The following CHRNB4 variants were observed in gnomAD, a reference collection of about 807,000 sequenced individuals.
The protein encoded by CHRNB4 is cholinergic receptor nicotinic beta 4 subunit.
In CHRNB4, 23 loss-of-function variants were observed where a neutral mutation model predicts 40.4. The ratio of observed to expected loss-of-function variants is 0.57; its 90% CI spans 0.41 to 0.81. The LOEUF (loss-of-function observed/expected upper bound fraction) is 0.81, where lower values mean the gene tolerates loss of function less well. CHRNB4 is among the 30% of genes least tolerant of loss of function. The pLI is 0.00. For missense variants in CHRNB4, 568 were observed against 670.6 expected, an observed-to-expected ratio of 0.85 and a Z score of 1.69; for synonymous variants, 285 against 274.4, an observed-to-expected ratio of 1.04 and a Z score of -0.38.
In CHRNB4 at chr15:78,624,943, C is replaced by T. The variant is rs1307830752; in HGVS notation, c.*190G>A. The T allele has an allele frequency of 6.7e-7, 1 of 1,496,146 alleles. No individual in the cohort carries two copies. Among genetic ancestry groups the T allele is most frequent in the East Asian group, 2.5e-5 (1 of 40,616 alleles). The allele number at this position is 1,496,146 out of a possible 1,614,324, so 92.7% of individuals were successfully genotyped here. A position where few individuals can be genotyped will look rare whatever the true frequency, so the allele number is the denominator to read the frequency against. ...CCTCCTACTGGGGCTTCCTGGGATCCCTCCAAGGCATTCAGAGAGGACAGC... is the reference window on the plus strand; with the variant it reads ...CCTCCTACTGGGGCTTCCTGGGATCTCTCCAAGGCATTCAGAGAGGACAGC... On this transcript the variant is annotated 3_prime_UTR_variant, in exon 6 of 6. Transcript: ENST00000261751.
chr15:78,636,928 AT>A (rs1219913201), intron 1 of CHRNB4, among the ~76,000 whole-genome samples: 1 of 152,200 alleles, frequency 6.6e-6, no homozygotes, highest in African/African-American at 2.4e-5. Flanking sequence ...GAGCAGCCCC[AT>A]TACTCACATG....
At chr15:78,633,010 C>G (rs1370962812) in intron 2 of CHRNB4, among the ~76,000 whole-genome samples, 1 of 152,224 alleles carries the variant, frequency 6.6e-6, no homozygotes, top group Non-Finnish European at 1.5e-5. Context: ...GAATAAAAAT[C>G]TTGCTCCTTC....
rs558456754 is a variant in CHRNB4, at chr15:78,624,696, GAAAA to G, written c.*433_*436del. 4 of 307,564 alleles carry G rather than the reference GAAAA, an allele frequency of 1.3e-5. No homozygotes were observed. Among genetic ancestry groups the G allele is most frequent in the Non-Finnish European group, 2.4e-5 (4 of 169,880 alleles). The allele number at this position is 307,564 out of a possible 1,614,324, so 19.1% of individuals were successfully genotyped here. On this transcript the variant is annotated 3_prime_UTR_variant, in exon 6 of 6. Transcript: ENST00000261751. The stretch of plus-strand genomic sequence containing the variant: ...CGATATAGCAAGACTCCGTTTAAAA[GAAAA>G]AAAAAAAGATGATGATATGGCAAAT...
chr15:78,625,088 C>T lies in CHRNB4; in HGVS notation c.*45G>A, dbSNP rs1359677547. 1.2e-6 allele frequency: 2 copies of T among 1,613,062 alleles called. No individual in the cohort carries two copies. The highest frequency in any genetic ancestry group is 3.3e-5 in the Admixed American group (2 of 60,016). On this transcript the variant is annotated 3_prime_UTR_variant, in exon 6 of 6. Transcript: ENST00000261751. Reference sequence around the variant, plus strand: ...AACCCAGAAAGAAGCAGCAAAGTGCCCACCCGGCCACTCACATCCTCTCAC... The same window carrying T: ...AACCCAGAAAGAAGCAGCAAAGTGCTCACCCGGCCACTCACATCCTCTCAC...
At chr15:78,647,688 TCCAAAAA>T (rs1371071079) in intron 7 of CHRNB4, among the ~76,000 whole-genome samples, 23 of 60,456 alleles carry the variant, frequency 3.8e-4, no homozygotes, top group East Asian at 1.7e-3. Flanking sequence ...CTACTAAAAA[TCCAAAAA>T]AAAAAAAAAA....
chr15:78,655,424 A>G (rs908221471), intron 5 of CHRNB4: 11 of 140,590 alleles, frequency 7.8e-5, no homozygotes, highest in African/African-American at 2.7e-4. Context: ...ATATCTATAT[A>G]TCTATATCTA....
rs199844639 is a variant in CHRNB4 at position 78,629,185 on chromosome 15, C to A, written c.1120G>T (p.Ala374Ser). Reference sequence around the variant, plus strand: ...AAGTTGGAGGGGCTGGTGGAGGTGGCGGTGGCCTCGGGCTTGGTCACGCAT... The same window carrying A: ...AAGTTGGAGGGGCTGGTGGAGGTGGAGGTGGCCTCGGGCTTGGTCACGCAT... ...KSCVTKPEAT[A>S]TSTSPSNFYG... Residue 374 changes from alanine to serine, a missense_variant, in exon 5 of 6, where the codon GCC (alanine) becomes TCC (serine). Transcript: ENST00000261751. This position sits in a 1 kb window ranked among gnomAD's most constrained non-coding sequence, Gnocchi z 6.8. The A allele has an allele frequency of 8.1e-6, 13 of 1,613,732 alleles. No homozygotes were observed. Among genetic ancestry groups the A allele is most frequent in the African/African-American group, 4.0e-5 (3 of 74,858 alleles).
chr15:78,642,863 C>G (rs1481347032), upstream of CHRNB4, among the ~76,000 whole-genome samples: 1 of 152,156 alleles, frequency 6.6e-6, no homozygotes, highest in Non-Finnish European at 1.5e-5. Context: ...CACAGAGAGA[C>G]AGCACAGAGC....
intron 7 of CHRNB4, among the ~76,000 whole-genome samples, chr15:78,647,883 A>G (rs995384977): frequency 1.6e-4 from 24 of 150,272 alleles, no homozygotes; most frequent in African/African-American, 5.6e-4. Flanking sequence ...AAAAAAAAAA[A>G]AAGAGATTCT....
At position 78,624,322 on chromosome 15, in the gene CHRNB4, G is replaced by A. The variant is rs112636372; in HGVS notation, c.*811C>T. ...GGAGGCAGGGTAACGTGACTGTAGG[G>A]AGGCTGCTTTAGAATGATTGGGTGG... On this transcript the variant is annotated 3_prime_UTR_variant, in exon 6 of 6. Coordinates refer to ENST00000261751, the MANE Select transcript of CHRNB4 (RefSeq NM_000750.5). 3,177 of 152,802 alleles carry A rather than the reference G, an allele frequency of 0.021. 119 individuals are homozygous for A. Among genetic ancestry groups the A allele is most frequent in the African/African-American group, 0.073 (3,017 of 41,528 alleles). The allele number at this position is 152,802 out of a possible 1,614,324, so 9.5% of individuals were successfully genotyped here.
intron 6 of CHRNB4, among the ~76,000 whole-genome samples, chr15:78,650,955 G>A (rs552757131): frequency 7.8e-4 from 119 of 152,244 alleles, no homozygotes; most frequent in Admixed American, 6.8e-3. Context: ...TTCATAGGGC[G>A]TAAGTGCAGA....
At chr15:78,630,568 T>C (rs1021514893) in intron 4 of CHRNB4, among the ~76,000 whole-genome samples, 7 of 152,218 alleles carry the variant, frequency 4.6e-5, no homozygotes, top group African/African-American at 1.4e-4. Context: ...AAGTGACTTC[T>C]TCAAGGTCAG....
intron 2 of CHRNB4, among the ~76,000 whole-genome samples, chr15:78,657,724 T>G (rs944272410): frequency 6.6e-6 from 1 of 151,978 alleles, no homozygotes; most frequent in Non-Finnish European, 1.5e-5. Flanking sequence ...CGGCAATTTT[T>G]TGTATTTTTA....
intron 1 of CHRNB4, among the ~76,000 whole-genome samples, chr15:78,638,265 C>T (rs2141393302): frequency 1.3e-5 from 2 of 152,366 alleles, no homozygotes; most frequent in East Asian, 3.9e-4. Context: ...TTGGGCCTGT[C>T]CTGCCTCTCA....
Position 78,625,281 on chromosome 15 carries a change from T to G in CHRNB4, c.1349A>C (p.Asp450Ala). The G allele has an allele frequency of 6.5e-7, 1 of 1,536,214 alleles. No homozygotes were observed. The highest frequency in any genetic ancestry group is 8.7e-7 in the Non-Finnish European group (1 of 1,143,654). The change falls in exon 6 of 6, where the codon GAC becomes GCC. Residue 450 changes from aspartate (D) to alanine (A), a missense_variant. This residue lies in a region of CHRNB4 where 242 missense variants were observed against 274.9 expected (regional missense o/e 0.88). Coordinates refer to ENST00000261751, the MANE Select transcript of CHRNB4 (RefSeq NM_000750.5). Reference sequence around the variant, plus strand: ...CACCACCATAGCCACGTACTTCCAGTCCTCAACGACCTGCAGGCAGACAGA... The same window carrying G: ...CACCACCATAGCCACGTACTTCCAGGCCTCAACGACCTGCAGGCAGACAGA... ...NDDEDQSVVE[D>A]WKYVAMVVDR...
In CHRNB4 at chr15:78,629,395, C is replaced by T. The variant is rs758697498; in HGVS notation, c.910G>A (p.Val304Met). The stretch of plus-strand genomic sequence containing the variant: ...GTGACGATGGAGAAGGTGACCAGCA[C>T]CATGGTGAACATGAGGTACTTGCCG... ...LIGKYLMFTM[V>M]LVTFSIVTSV... Residue 304 changes from valine to methionine, a missense_variant, in exon 5 of 6, where the codon GTG becomes ATG. Transcript: ENST00000261751. The surrounding 1 kb of genome is among the most constrained non-coding windows in gnomAD (Gnocchi z 6.8). The T allele has an allele frequency of 6.2e-7, 1 of 1,613,928 alleles. No individual in the cohort carries two copies. The highest frequency in any genetic ancestry group is 8.5e-7 in the Non-Finnish European group (1 of 1,180,016).
At chr15:78,648,459 T>C (rs2054144780) in intron 7 of CHRNB4, among the ~76,000 whole-genome samples, 2 of 145,446 alleles carry the variant, frequency 1.4e-5, no homozygotes. Flanking sequence ...TGCATAAGAA[T>C]ATATTCTTAT....
At chr15:78,649,418 C>T (rs1356911321) in exon 7 of CHRNB4, 17 of 454,670 alleles carry the variant, frequency 3.7e-5, no homozygotes, top group South Asian at 1.2e-4. Context: ...AGCAAACTAC[C>T]GCCCATCTGC....
chr15:78,658,024 T>TTC (rs1374471805), intron 2 of CHRNB4, among the ~76,000 whole-genome samples: 7 of 123,374 alleles, frequency 5.7e-5, no homozygotes, highest in South Asian at 5.7e-4. Flanking sequence ...TGTCTCTTGT[T>TTC]TCTCTTTTTT....
Sources: allele counts gnomAD v4.1 joint callset (sites outside exome capture counted in the v4.1 genomes callset), GRCh38; gene constraint gnomAD v4.1.1; regional missense constraint gnomAD v4.1.1; non-coding constraint Gnocchi (gnomAD v3.1); transcripts MANE v1.5; gene names NCBI Gene and HGNC (gene_info 2026-07-23, HGNC 2026-07-21).